NDUFA10: variants seen among roughly 807,000 people sequenced by gnomAD.
NDUFA10 encodes the protein NADH:ubiquinone oxidoreductase subunit A10.
NDUFA10 carries 40 observed loss-of-function variants against 47.8 expected under a neutral mutation model. The ratio of observed to expected loss-of-function variants is 0.84; its 90% CI spans 0.65 to 1.09. NDUFA10 has a LOEUF of 1.09. Ranked by LOEUF, NDUFA10 falls within the 50% of genes least tolerant of loss-of-function variation. The pLI, the probability that NDUFA10 is intolerant of heterozygous loss-of-function variation, is 0.00. For missense variants in NDUFA10, 413 were observed against 451.1 expected, an observed-to-expected ratio of 0.92 and a Z score of 0.76; for synonymous variants, 183 against 172.2, an observed-to-expected ratio of 1.06 and a Z score of -0.49.
chr2:239,997,519 T>C (rs774975747), intron 8 of NDUFA10, among the ~76,000 whole-genome samples: 8 of 152,256 alleles, frequency 5.3e-5, no homozygotes, highest in Non-Finnish European at 1.0e-4. Flanking sequence ...GTATGAATAC[T>C]GGTACACATA....
chr2:239,909,132 G>T (rs1172944405), intron 4 of NDUFA10, among the ~76,000 whole-genome samples: 1 of 152,154 alleles, frequency 6.6e-6, no homozygotes. Flanking sequence ...TGGCTTACAG[G>T]CTGCTTCTGA....
At chr2:239,912,223 T>G (rs1401093865) in intron 4 of NDUFA10, among the ~76,000 whole-genome samples, 1 of 152,172 alleles carries the variant, frequency 6.6e-6, no homozygotes, top group Admixed American at 6.5e-5. Context: ...TGGGCTCCCC[T>G]GGCTCCATAG....
chr2:239,928,504 G>A lies in NDUFA10; in HGVS notation c.295-33190C>T, dbSNP rs1468079798. Among the ~76,000 whole-genome samples the A allele has an allele frequency of 2.6e-5, 4 of 152,070 alleles. No homozygotes were observed. On this transcript the variant is annotated intron_variant, in intron 4 of 5. Coordinates refer to the NDUFA10 transcript ENST00000419408. The surrounding 1 kb of genome is among the most constrained non-coding windows in gnomAD (Gnocchi z 4.3). ...CCCCCGAATCCACGCCAGACTCCTC[G>A]GCCCTGGCCCACCGCGAGCCGCTGC... is the stretch of plus-strand genomic sequence containing the variant.
At chr2:239,956,748 G>A (rs1694662754), downstream of NDUFA10, among the ~76,000 whole-genome samples, 1 of 152,206 alleles carries the variant, frequency 6.6e-6, no homozygotes, top group Non-Finnish European at 1.5e-5. Context: ...GCTCGTTCTG[G>A]TGGGAGGAGT....
Position 240,005,120 on chromosome 2 carries a change from T to A in NDUFA10, c.890+90A>T, listed in dbSNP as rs184749804. ...TGGGTTGGTGCTGCTAACACCTAACTTGAAACATAATTATTTCAAACTTCC... is the reference window on the plus strand; with the variant it reads ...TGGGTTGGTGCTGCTAACACCTAACATGAAACATAATTATTTCAAACTTCC... On this transcript the variant is annotated intron_variant, in intron 8 of 9. Transcript: ENST00000252711. 560 of 1,212,748 alleles carry A rather than the reference T, an allele frequency of 4.6e-4. 1 individual carries two copies. The African/African-American group carries it at 7.6e-3, about 16-fold the overall frequency. The allele number at this position is 1,212,748 out of a possible 1,614,324, so 75.1% of individuals were successfully genotyped here.
chr2:239,954,433 G>T (rs1694613420), downstream of NDUFA10, among the ~76,000 whole-genome samples: 1 of 152,378 alleles, frequency 6.6e-6, no homozygotes, highest in Admixed American at 6.5e-5. Context: ...CTGCTCTCCT[G>T]TGTCCTCACG....
intron 9 of NDUFA10, chr2:239,982,257 T>A: frequency 6.2e-7 from 1 of 1,605,966 alleles, no homozygotes. Flanking sequence ...TCACCTCGCC[T>A]CTGACAAAGG....
At chr2:239,917,137 A>G (rs1693893859) in intron 4 of NDUFA10, among the ~76,000 whole-genome samples, 1 of 152,196 alleles carries the variant, frequency 6.6e-6, no homozygotes, top group South Asian at 2.1e-4. Flanking sequence ...GACACTGAGC[A>G]CCAAGGAAGG....
At chr2:239,985,554 T>G (rs1317358857) in intron 9 of NDUFA10, among the ~76,000 whole-genome samples, 5 of 150,680 alleles carry the variant, frequency 3.3e-5, no homozygotes, top group Admixed American at 1.3e-4. Context: ...GTCCAACATA[T>G]GACCAACTGG....
intron 4 of NDUFA10, among the ~76,000 whole-genome samples, chr2:239,951,274 C>T (rs1046145095): frequency 2.0e-5 from 3 of 152,198 alleles, no homozygotes; most frequent in Non-Finnish European, 2.9e-5. Flanking sequence ...GAGGGCCACA[C>T]GCTCCTGTGC....
At chr2:239,940,697 CA>C (rs1694346006) in intron 4 of NDUFA10, among the ~76,000 whole-genome samples, 1 of 152,208 alleles carries the variant, frequency 6.6e-6, no homozygotes, top group Non-Finnish European at 1.5e-5. Flanking sequence ...ATCACCAGTT[CA>C]AAACAGAATC....
intron 4 of NDUFA10, among the ~76,000 whole-genome samples, chr2:239,929,423 G>T (rs189292746): frequency 4.5e-4 from 68 of 152,304 alleles, no homozygotes; most frequent in African/African-American, 1.6e-3. Flanking sequence ...AGGAAAAAAT[G>T]AGTCAAAAAG....
intron 4 of NDUFA10, among the ~76,000 whole-genome samples, chr2:239,929,665 A>ACCCCTGCTCCTCCACTG (rs755392217): frequency 9.5e-5 from 12 of 126,574 alleles, no homozygotes; most frequent in African/African-American, 2.7e-4. Flanking sequence ...CTTCTCCACC[A>ACCCCTGCTCCTCCACTG]CCCCTGCTCC....
At chr2:239,893,157 C>T (rs116803787) in intron 5 of NDUFA10, among the ~76,000 whole-genome samples, 3,893 of 152,284 alleles carry the variant, frequency 0.026, 63 homozygotes, top group Non-Finnish European at 0.039. Context: ...CAGGCAAACC[C>T]AAAAGGAAGC....
At chr2:239,954,314 A>G (rs1694611217), downstream of NDUFA10, among the ~76,000 whole-genome samples, 3 of 151,368 alleles carry the variant, frequency 2.0e-5, no homozygotes, top group African/African-American at 7.3e-5. Flanking sequence ...CTGAGTGACC[A>G]CCCCAGGACC....
chr2:239,985,808 G>A (rs2106436243), intron 9 of NDUFA10, among the ~76,000 whole-genome samples: 1 of 151,980 alleles, frequency 6.6e-6, no homozygotes. Context: ...CTACTCGGGA[G>A]GCTGAGGCAG....
intron 4 of NDUFA10, among the ~76,000 whole-genome samples, chr2:239,942,662 G>A (rs1453212348): frequency 2.0e-5 from 3 of 151,494 alleles, no homozygotes; most frequent in East Asian, 3.9e-4. Context: ...TCTGCCTTCC[G>A]CATGTTTATC....
downstream of NDUFA10, among the ~76,000 whole-genome samples, chr2:239,953,325 C>G (rs766414762): frequency 2.1e-4 from 32 of 152,158 alleles, no homozygotes; most frequent in Admixed American, 1.3e-3. Flanking sequence ...AGGCCAGGAG[C>G]CTGCAGGAGG....
intron 9 of NDUFA10, among the ~76,000 whole-genome samples, chr2:239,964,513 G>A (rs1203842156): frequency 2.0e-5 from 3 of 152,186 alleles, no homozygotes; most frequent in Non-Finnish European, 2.9e-5. Context: ...AGCAGCAGAC[G>A]ACTCCTGCCG....
Sources: allele counts gnomAD v4.1 joint callset (sites outside exome capture counted in the v4.1 genomes callset), GRCh38; gene constraint gnomAD v4.1.1; non-coding constraint Gnocchi (gnomAD v3.1); transcripts MANE v1.5; gene names NCBI Gene and HGNC (gene_info 2026-07-23, HGNC 2026-07-21).